Variants in OSBPL6 observed in about 807,000 individuals in gnomAD.
The protein encoded by OSBPL6 is oxysterol binding protein like 6, also known as oxysterol-binding protein-related protein 6.
In OSBPL6, 49 loss-of-function variants were observed where a neutral mutation model predicts 125.8. The ratio of observed to expected loss-of-function variants is 0.39; its 90% CI spans 0.31 to 0.49. The LOEUF (loss-of-function observed/expected upper bound fraction) is 0.49, where lower values mean the gene tolerates loss of function less well. Ranked by LOEUF, OSBPL6 falls within the 20% of genes least tolerant of loss-of-function variation. The pLI, the probability that OSBPL6 is intolerant of heterozygous loss-of-function variation, is 0.88. For missense variants in OSBPL6, 986 were observed against 1,135.4 expected, an observed-to-expected ratio of 0.87 and a Z score of 1.89; for synonymous variants, 394 against 391.8, an observed-to-expected ratio of 1.01 and a Z score of -0.07.
chr2:178,286,873 A>G (rs555490986), intron 2 of OSBPL6, among the ~76,000 whole-genome samples: 5 of 152,338 alleles, frequency 3.3e-5, no homozygotes, highest in Non-Finnish European at 7.4e-5. Flanking sequence ...TCTTGCCGTC[A>G]GAGTTAGACA....
At chr2:178,267,346 T>C (rs554954461) in intron 1 of OSBPL6, among the ~76,000 whole-genome samples, 92 of 98,042 alleles carry the variant, frequency 9.4e-4, no homozygotes, top group African/African-American at 4.0e-3. Flanking sequence ...AGAGTGAAAC[T>C]CCATCTCAAA....
At chr2:178,205,268 G>C (rs2089469483) in intron 1 of OSBPL6, among the ~76,000 whole-genome samples, 1 of 152,172 alleles carries the variant, frequency 6.6e-6, no homozygotes, top group Non-Finnish European at 1.5e-5. Context: ...ACAGGGAAGA[G>C]AGGAAGCCAA....
intron 1 of OSBPL6, among the ~76,000 whole-genome samples, chr2:178,237,505 C>T (rs334044): frequency 0.48 from 72,756 of 151,998 alleles, 21,648 homozygotes; most frequent in African/African-American, 0.85. Flanking sequence ...CTTAATCATA[C>T]ACCTTCCCAC....
intron 9 of OSBPL6, among the ~76,000 whole-genome samples, chr2:178,337,848 C>A (rs1201627432): frequency 6.6e-6 from 1 of 151,640 alleles, no homozygotes; most frequent in African/African-American, 2.4e-5. Context: ...AGAACAATCA[C>A]AAATATTAGG....
At chr2:178,239,750 C>T (rs982948366) in intron 1 of OSBPL6, among the ~76,000 whole-genome samples, 2 of 151,298 alleles carry the variant, frequency 1.3e-5, no homozygotes, top group African/African-American at 4.9e-5. Flanking sequence ...CTCAGCCTCC[C>T]GAGTAGCTGG....
chr2:178,385,595 T>G (rs531804551), intron 19 of OSBPL6, 74 bp downstream of exon 19: 1 of 1,131,682 alleles, frequency 8.8e-7, no homozygotes, highest in East Asian at 2.4e-5. Context: ...AAAGGGACAC[T>G]GTATTCAGTT....
At chr2:178,321,876 T>C (rs1312999346) in intron 3 of OSBPL6, among the ~76,000 whole-genome samples, 1 of 152,246 alleles carries the variant, frequency 6.6e-6, no homozygotes, top group African/African-American at 2.4e-5. Context: ...TGATTGAACT[T>C]CTTATTTTTC....
chr2:178,215,689 G>A (rs1035436473), intron 1 of OSBPL6, among the ~76,000 whole-genome samples: 2 of 152,062 alleles, frequency 1.3e-5, no homozygotes, highest in South Asian at 4.2e-4. Flanking sequence ...GGAAGGGAGG[G>A]AGAGTGTTAG....
In OSBPL6 at chr2:178,390,854, A is replaced by C. The variant is rs6708961; in HGVS notation, c.2302-219A>C. Among the ~76,000 whole-genome samples, 361 of 152,358 alleles carry C rather than the reference A, an allele frequency of 2.4e-3. 2 individuals carry two copies. The highest frequency in any genetic ancestry group is 0.01 in the Middle Eastern group (3 of 294). On this transcript the variant is annotated intron_variant, in intron 21 of 24. Coordinates refer to ENST00000190611, the MANE Select transcript of OSBPL6 (RefSeq NM_032523.4). The stretch of plus-strand genomic sequence containing the variant: ...AGAAGCTGAGCCTTCTCTGTGATAT[A>C]CTACCATGTTATGCGTGGAATAGAG...
chr2:178,300,901 A>C (rs1686216082), intron 2 of OSBPL6, among the ~76,000 whole-genome samples: 1 of 152,178 alleles, frequency 6.6e-6, no homozygotes, highest in Non-Finnish European at 1.5e-5. Flanking sequence ...AACCATATGA[A>C]AGTCAGTATG....
chr2:178,321,856 A>G (rs1415907990), intron 3 of OSBPL6, among the ~76,000 whole-genome samples: 1 of 152,232 alleles, frequency 6.6e-6, no homozygotes, highest in East Asian at 1.9e-4. Context: ...ATATTGTGCT[A>G]TATTTGAAGT....
intron 1 of OSBPL6, among the ~76,000 whole-genome samples, chr2:178,248,387 A>G (rs972054164): frequency 6.6e-5 from 10 of 152,232 alleles, no homozygotes; most frequent in African/African-American, 2.2e-4. Context: ...ACAAACTTAA[A>G]AGTTTGTATG....
chr2:178,291,621 G>A (rs1348604180), intron 2 of OSBPL6, among the ~76,000 whole-genome samples: 8 of 151,748 alleles, frequency 5.3e-5, no homozygotes, highest in Admixed American at 4.6e-4. Flanking sequence ...TATCTGACCC[G>A]TGGAGAATGT....
chr2:178,342,232 A>G (rs1186270090), intron 11 of OSBPL6, among the ~76,000 whole-genome samples: 1 of 152,134 alleles, frequency 6.6e-6, no homozygotes, highest in Non-Finnish European at 1.5e-5. Context: ...CTTCGTAACT[A>G]AGTACAACAG....
intron 24 of OSBPL6, among the ~76,000 whole-genome samples, chr2:178,395,068 T>C (rs1421079038): frequency 6.6e-6 from 1 of 152,150 alleles, no homozygotes; most frequent in Non-Finnish European, 1.5e-5. Context: ...ATGGGCCCAG[T>C]AGGGGCTCTT....
intron 1 of OSBPL6, among the ~76,000 whole-genome samples, chr2:178,244,298 T>C (rs542475016): frequency 6.6e-6 from 1 of 152,178 alleles, no homozygotes; most frequent in Non-Finnish European, 1.5e-5. Flanking sequence ...TACTATAACT[T>C]AGGTCCTCCT....
intron 1 of OSBPL6, among the ~76,000 whole-genome samples, chr2:178,277,903 C>T (rs554242069): frequency 6.6e-6 from 1 of 152,300 alleles, no homozygotes; most frequent in South Asian, 2.1e-4. Flanking sequence ...CGTGGCTCTC[C>T]TGTTCTGAAC....
At position 178,397,088 on chromosome 2, in the gene OSBPL6, G is replaced by A. The variant is rs1695892613; in HGVS notation, c.*1529G>A. 1 of 152,148 alleles carries A rather than the reference G, an allele frequency of 6.6e-6. No homozygotes were observed. The highest frequency in any genetic ancestry group is 6.5e-5 in the Admixed American group (1 of 15,270). 9.4% of individuals were successfully genotyped at this position (152,148 alleles called of 1,614,324 possible). On this transcript the variant is annotated 3_prime_UTR_variant, in exon 25 of 25. Coordinates refer to ENST00000190611, the MANE Select transcript of OSBPL6 (RefSeq NM_032523.4). ...ACAGACACTTTACATTTTATTATGA[G>A]GTGTTGATTTTAGTGGTATTTCTCC... is the stretch of plus-strand genomic sequence containing the variant.
intron 12 of OSBPL6, among the ~76,000 whole-genome samples, chr2:178,356,104 A>G (rs982690712): frequency 3.0e-4 from 46 of 152,312 alleles, no homozygotes; most frequent in Admixed American, 2.0e-4. Context: ...AATAAGATCT[A>G]TTTATGACAA....
Sources: gnomAD v4.1 joint callset for allele counts (sites outside exome capture counted in the v4.1 genomes callset) on GRCh38, gnomAD v4.1.1 for gene constraint, MANE v1.5 for transcripts, NCBI Gene and HGNC (gene_info 2026-07-23, HGNC 2026-07-21) for gene names.